Variants in HES7 observed in about 807,000 individuals in gnomAD.
HES7 encodes the protein hes family bHLH transcription factor 7.
Under a neutral mutation model 18.0 loss-of-function variants are expected in HES7, and 8 were observed. The ratio of observed to expected loss-of-function variants is 0.45; its 90% CI spans 0.26 to 0.80. The LOEUF (loss-of-function observed/expected upper bound fraction) is 0.80, where lower values mean the gene tolerates loss of function less well. Among genes scored for constraint, HES7 ranks in the 30% least tolerant of loss-of-function variants. The probability of loss-of-function intolerance (pLI) is 0.18; values close to 1 mark genes in which losing one functional copy is unlikely to be tolerated. For synonymous variants in HES7, 170 were observed against 158.6 expected (o/e 1.07, Z -0.54); for missense variants, 356 against 340.9 (o/e 1.04, Z -0.35).
upstream of HES7, among the ~76,000 whole-genome samples, chr17:8,125,490 G>T (rs1981559094): frequency 6.6e-6 from 1 of 152,190 alleles, no homozygotes; most frequent in Non-Finnish European, 1.5e-5. Context: ...GGGAACCTGG[G>T]CTCGGGCTGA....
chr17:8,121,819 G>A lies in HES7; in HGVS notation c.445C>T (p.Arg149Cys). 6.4e-7 allele frequency: 1 copy of A among 1,566,852 alleles called. No individual in the cohort carries two copies. The highest frequency in any genetic ancestry group is 8.6e-7 in the Non-Finnish European group (1 of 1,167,606). The change falls in exon 4 of 4, where the codon CGC (arginine) becomes TGC (cysteine). Residue 149 changes from arginine to cysteine, a missense_variant. By Grantham distance (180) the Arg-to-Cys change is radical. Coordinates refer to ENST00000541682, the MANE Select transcript of HES7 (RefSeq NM_001165967.2). ...GGTGCGGCGGGGTCCAGGGATGGGC[G>A]CGGCGCTGGAGGCCTCGGATCTACC... is the stretch of plus-strand genomic sequence containing the variant. ...KPVDPRPPAPRPSLDPAAPAL... is the reference protein window; with the variant it reads ...KPVDPRPPAPCPSLDPAAPAL...
In HES7 at chr17:8,123,910, T is replaced by C. The variant is rs959942108; in HGVS notation, c.42+133A>G. The C allele has an allele frequency of 8.5e-5, 84 of 987,354 alleles. No individual in the cohort carries two copies. In the Middle Eastern group the frequency reaches 1.0e-3, roughly 12 times the overall value. 61.2% of individuals were successfully genotyped at this position (987,354 alleles called of 1,614,324 possible). A position where few individuals can be genotyped will look rare whatever the true frequency, so the allele number is the denominator to read the frequency against. Reference sequence around the variant, plus strand: ...ATTTTGCAGCTTCCTCTCCAGCTTCTGGCTCCTGGAGTTCTGGAGCACCGC... The same window carrying C: ...ATTTTGCAGCTTCCTCTCCAGCTTCCGGCTCCTGGAGTTCTGGAGCACCGC... On this transcript the variant is annotated intron_variant, in intron 1 of 3. Coordinates refer to ENST00000541682, the MANE Select transcript of HES7 (RefSeq NM_001165967.2). The surrounding 1 kb of genome is among the most constrained non-coding windows in gnomAD (Gnocchi z 5.9).
In HES7 at chr17:8,123,278, G is replaced by C. The variant is rs370580036; in HGVS notation, c.43-152C>G. 1 of 655,540 alleles carries C rather than the reference G, an allele frequency of 1.5e-6. No individual in the cohort carries two copies. The highest frequency in any genetic ancestry group is 2.8e-6 in the Non-Finnish European group (1 of 361,454). The allele number at this position is 655,540 out of a possible 1,614,324, so 40.6% of individuals were successfully genotyped here. On this transcript the variant is annotated intron_variant, in intron 1 of 3. Coordinates refer to ENST00000541682, the MANE Select transcript of HES7 (RefSeq NM_001165967.2). This position sits in a 1 kb window ranked among gnomAD's most constrained non-coding sequence, Gnocchi z 5.9. ...GGCCGGCCCCATTCGATCCCTCTCCGCTCCCCCTCCCAATGCCCCTAGATC... is the reference window on the plus strand; with the variant it reads ...GGCCGGCCCCATTCGATCCCTCTCCCCTCCCCCTCCCAATGCCCCTAGATC...
rs747215611 is a variant in HES7, at chr17:8,122,344, C to A, written c.225G>T (p.Pro75=). ...YLRERSRVEP[P]AAAAPGVPRS... is the part of the protein sequence containing the mutation. ...CGCTGCCCCACCCCCGCGCTGTACC[C>A]GGGGGCTCCACCCGGCTTCGCTCCC... Residue 75 remains proline (P), a splice_region_variant and synonymous_variant, in exon 3 of 4, where the codon CCG becomes CCT. Coordinates refer to ENST00000541682, the MANE Select transcript of HES7 (RefSeq NM_001165967.2). This position sits in a 1 kb window ranked among gnomAD's most constrained non-coding sequence, Gnocchi z 6.9. 4.4e-6 allele frequency: 7 copies of A among 1,587,286 alleles called. No homozygotes were observed. In the Admixed American group the frequency reaches 8.9e-5, roughly 20 times the overall value.
chr17:8,123,008 C>A lies in HES7; in HGVS notation c.138+23G>T, dbSNP rs376049573. ...ACGCGGAAACGGGAAGCTTGGGGACCTAGGGCTAGCGGAGGGACTGACCTG... is the reference window on the plus strand; with the variant it reads ...ACGCGGAAACGGGAAGCTTGGGGACATAGGGCTAGCGGAGGGACTGACCTG... On this transcript the variant is annotated intron_variant, in intron 2 of 3. Coordinates refer to ENST00000541682, the MANE Select transcript of HES7 (RefSeq NM_001165967.2). This position sits in a 1 kb window ranked among gnomAD's most constrained non-coding sequence, Gnocchi z 5.9. 1.9e-6 allele frequency: 3 copies of A among 1,565,528 alleles called. No homozygotes were observed. Among genetic ancestry groups the A allele is most frequent in the African/African-American group, 2.7e-5 (2 of 73,904 alleles).
At position 8,123,115 on chromosome 17, in the gene HES7, C is replaced by A; in HGVS notation, c.54G>T (p.Pro18=). The A allele has an allele frequency of 3.1e-6, 5 of 1,606,496 alleles. No individual in the cohort carries two copies. The highest frequency in any genetic ancestry group is 4.2e-6 in the Non-Finnish European group (5 of 1,176,910). ...ENRDGPKMLK[P]LVEKRRRDRI... ...GGTCCCGGCGCCGCTTCTCCACAAG[C>A]GGCTTGAGCATCTGCGACCAGCGAG... Residue 18 remains proline, a synonymous_variant, in exon 2 of 4, where the codon CCG becomes CCT. Transcript: ENST00000541682. The surrounding 1 kb of genome is among the most constrained non-coding windows in gnomAD (Gnocchi z 5.9).
At chr17:8,126,366 A>G (rs1187427049), upstream of HES7, among the ~76,000 whole-genome samples, 1 of 151,048 alleles carries the variant, frequency 6.6e-6, no homozygotes, top group Non-Finnish European at 1.5e-5. Context: ...CGCATCTCTG[A>G]TTCCGCGTCT....
In HES7 at chr17:8,123,628, C is replaced by G. The variant is rs1402803931; in HGVS notation, c.42+415G>C. On this transcript the variant is annotated intron_variant, in intron 1 of 3. Transcript: ENST00000541682. This position sits in a 1 kb window ranked among gnomAD's most constrained non-coding sequence, Gnocchi z 5.9. ...TCCACCAGTCTGGGGCCTCTGGAACCAACGCCCCGGGACCTTCTGTACAAG... is the reference window on the plus strand; with the variant it reads ...TCCACCAGTCTGGGGCCTCTGGAACGAACGCCCCGGGACCTTCTGTACAAG... 9.0e-6 allele frequency: 3 copies of G among 333,738 alleles called. No homozygotes were observed. In the East Asian group the frequency reaches 2.0e-4, roughly 22 times the overall value. The allele number at this position is 333,738 out of a possible 1,614,324, so 20.7% of individuals were successfully genotyped here. A position where few individuals can be genotyped will look rare whatever the true frequency, so the allele number is the denominator to read the frequency against.
chr17:8,121,674 G>A lies in HES7; in HGVS notation c.590C>T (p.Pro197Leu). 5 of 1,327,890 alleles carry A rather than the reference G, an allele frequency of 3.8e-6. No homozygotes were observed. Among genetic ancestry groups the A allele is most frequent in the Non-Finnish European group, 4.8e-6 (5 of 1,045,796 alleles). The allele number at this position is 1,327,890 out of a possible 1,614,324, so 82.3% of individuals were successfully genotyped here. A position where few individuals can be genotyped will look rare whatever the true frequency, so the allele number is the denominator to read the frequency against. The change falls in exon 4 of 4, where the codon CCC becomes CTC. Residue 197 changes from proline to leucine, a missense_variant. By Grantham distance (98) the Pro-to-Leu change is moderately conservative. Coordinates refer to ENST00000541682, the MANE Select transcript of HES7 (RefSeq NM_001165967.2). ...TGGCGGCGGCAGCAGTCCGGTGAGG[G>A]GCGCCGGCGCGCCAGAATCCCCGGC... ...PRAGDSGAPA[P>L]LTGLLPPPPP...
At chr17:8,124,008 C>T in intron 1 of HES7, 35 bp downstream of exon 1, 1 of 1,611,724 alleles carries the variant, frequency 6.2e-7, no homozygotes, top group Non-Finnish European at 8.5e-7. Context: ...CTAGCCAAAC[C>T]AGGGACCTCT....
chr17:8,126,402 C>T (rs762946480), upstream of HES7, among the ~76,000 whole-genome samples: 1 of 152,166 alleles, frequency 6.6e-6, no homozygotes, highest in Non-Finnish European at 1.5e-5. Flanking sequence ...TCTGCATCTC[C>T]GCCTCTGGCT....
In HES7 at chr17:8,122,218, G is replaced by A; in HGVS notation, c.226+125C>T. The A allele has an allele frequency of 2.1e-6, 2 of 951,768 alleles. No homozygotes were observed. Among genetic ancestry groups the A allele is most frequent in the Non-Finnish European group, 3.2e-6 (2 of 631,014 alleles). 59.0% of individuals were successfully genotyped at this position (951,768 alleles called of 1,614,324 possible). ...GACACGCGCGGGTGTTATTAACCTC[G>A]CCTCGGAGCAGAACCGGCCACTCCC... On this transcript the variant is annotated intron_variant, in intron 3 of 3. Coordinates refer to ENST00000541682, the MANE Select transcript of HES7 (RefSeq NM_001165967.2). The surrounding 1 kb of genome is among the most constrained non-coding windows in gnomAD (Gnocchi z 6.9).
chr17:8,122,255 T>TCCA lies in HES7; in HGVS notation c.226+85_226+87dup. ...AACCGGCCACTCCCCAAGCCCACCATCCACCGCAGGGCCCGCCCACTCTGC... is the reference window on the plus strand; with the variant it reads ...AACCGGCCACTCCCCAAGCCCACCATCCACCACCGCAGGGCCCGCCCACTCTGC... On this transcript the variant is annotated intron_variant, in intron 3 of 3. Coordinates refer to ENST00000541682, the MANE Select transcript of HES7 (RefSeq NM_001165967.2). The surrounding 1 kb of genome is among the most constrained non-coding windows in gnomAD (Gnocchi z 6.9). 8.4e-7 allele frequency: 1 copy of TCCA among 1,194,198 alleles called. No homozygotes were observed. The highest frequency in any genetic ancestry group is 1.5e-5 in the African/African-American group (1 of 65,704). 74.0% of individuals were successfully genotyped at this position (1,194,198 alleles called of 1,614,324 possible).
Position 8,122,222 on chromosome 17 carries a change from C to G in HES7, c.226+121G>C, listed in dbSNP as rs565314962. The G allele has an allele frequency of 3.1e-6, 3 of 972,156 alleles. No individual in the cohort carries two copies. Among genetic ancestry groups the G allele is most frequent in the Non-Finnish European group, 4.6e-6 (3 of 646,224 alleles). 60.2% of individuals were successfully genotyped at this position (972,156 alleles called of 1,614,324 possible). ...CGCGCGGGTGTTATTAACCTCGCCT[C>G]GGAGCAGAACCGGCCACTCCCCAAG... is the stretch of plus-strand genomic sequence containing the variant. On this transcript the variant is annotated intron_variant, in intron 3 of 3. Coordinates refer to ENST00000541682, the MANE Select transcript of HES7 (RefSeq NM_001165967.2). This position sits in a 1 kb window ranked among gnomAD's most constrained non-coding sequence, Gnocchi z 6.9.
At position 8,122,222 on chromosome 17, in the gene HES7, C is replaced by T. The variant is rs565314962; in HGVS notation, c.226+121G>A. 1.6e-5 allele frequency: 16 copies of T among 972,156 alleles called. No individual in the cohort carries two copies. Among genetic ancestry groups the T allele is most frequent in the Non-Finnish European group, 2.2e-5 (14 of 646,224 alleles). 60.2% of individuals were successfully genotyped at this position (972,156 alleles called of 1,614,324 possible). On this transcript the variant is annotated intron_variant, in intron 3 of 3. Coordinates refer to ENST00000541682, the MANE Select transcript of HES7 (RefSeq NM_001165967.2). This position sits in a 1 kb window ranked among gnomAD's most constrained non-coding sequence, Gnocchi z 6.9. ...CGCGCGGGTGTTATTAACCTCGCCT[C>T]GGAGCAGAACCGGCCACTCCCCAAG...
Position 8,121,829 on chromosome 17 carries a change from A to C in HES7, c.435T>G (p.Pro145=). ...GGTCCAGGGATGGGCGCGGCGCTGG[A>C]GGCCTCGGATCTACCGGCTTGGGCC... is the stretch of plus-strand genomic sequence containing the variant. The part of the protein sequence containing the change: ...PPRPKPVDPR[P]PAPRPSLDPA... The change falls in exon 4 of 4, where the codon CCT becomes CCG. Residue 145 remains proline (P), a synonymous_variant. Coordinates refer to ENST00000541682, the MANE Select transcript of HES7 (RefSeq NM_001165967.2). The C allele has an allele frequency of 6.4e-7, 1 of 1,569,536 alleles. No homozygotes were observed. Among genetic ancestry groups the C allele is most frequent in the East Asian group, 2.4e-5 (1 of 41,392 alleles).
At position 8,120,970 on chromosome 17, in the gene HES7, T is replaced by TG. The variant is rs1167780605; in HGVS notation, c.*600_*601insC. 19 of 152,812 alleles carry TG rather than the reference T, an allele frequency of 1.2e-4. No homozygotes were observed. The highest frequency in any genetic ancestry group is 2.4e-4 in the Non-Finnish European group (16 of 68,052). The allele number at this position is 152,812 out of a possible 1,614,324, so 9.5% of individuals were successfully genotyped here. ...AGCGCATTGGACTTCTAGTGACGAA[T>TG]AGAGCAATTCAAAGGTTGTGGGTTC... is the stretch of plus-strand genomic sequence containing the variant. On this transcript the variant is annotated 3_prime_UTR_variant, in exon 4 of 4. Coordinates refer to ENST00000541682, the MANE Select transcript of HES7 (RefSeq NM_001165967.2).
chr17:8,125,725 C>T (rs908952383), upstream of HES7, among the ~76,000 whole-genome samples: 1 of 152,204 alleles, frequency 6.6e-6, no homozygotes. Flanking sequence ...AGATAGGATC[C>T]CCGCAGAATC....
chr17:8,124,480 C>G (rs76043663), upstream of HES7, among the ~76,000 whole-genome samples: 21 of 152,306 alleles, frequency 1.4e-4, no homozygotes, highest in Non-Finnish European at 2.8e-4. Context: ...TAGCACCTCT[C>G]AGCCCCCAGG....
Sources: gnomAD v4.1 joint callset for allele counts (sites outside exome capture counted in the v4.1 genomes callset) on GRCh38, gnomAD v4.1.1 for gene constraint, Gnocchi (gnomAD v3.1) non-coding constraint, MANE v1.5 for transcripts, NCBI Gene and HGNC (gene_info 2026-07-23, HGNC 2026-07-21) for gene names.